The following SAMD12 variants were observed in gnomAD, a reference collection of about 807,000 sequenced individuals.
The protein encoded by SAMD12 is sterile alpha motif domain-containing protein 12.
In SAMD12, 9 loss-of-function variants were observed where a neutral mutation model predicts 15.0. The ratio of observed to expected loss-of-function variants is 0.60; its 90% CI spans 0.36 to 1.05. The LOEUF (loss-of-function observed/expected upper bound fraction) is 1.05. Ranked by LOEUF, SAMD12 falls within the 50% of genes least tolerant of loss-of-function variation. SAMD12 has a pLI of 0.01. For missense variants in SAMD12, 230 were observed against 234.2 expected (o/e 0.98, Z 0.12); for synonymous variants, 86 against 90.1 (o/e 0.96, Z 0.25).
chr8:118,286,578 G>T (rs1055009780), intron 4 of SAMD12, among the ~76,000 whole-genome samples: 1 of 152,144 alleles, frequency 6.6e-6, no homozygotes, highest in Admixed American at 6.5e-5. Context: ...CCCCTGTGGC[G>T]ATGTGTCATA....
intron 2 of SAMD12, among the ~76,000 whole-genome samples, chr8:118,449,878 C>T (rs984990057): frequency 2.7e-5 from 4 of 150,554 alleles, no homozygotes; most frequent in African/African-American, 9.8e-5. Flanking sequence ...ATAAAAATAC[C>T]AAATTAAGAG....
At chr8:118,608,427 T>C (rs1038073445) in intron 1 of SAMD12, among the ~76,000 whole-genome samples, 1 of 152,104 alleles carries the variant, frequency 6.6e-6, no homozygotes, top group Non-Finnish European at 1.5e-5. Flanking sequence ...CATCCTTTTC[T>C]TACAAGACAG....
intron 4 of SAMD12, among the ~76,000 whole-genome samples, chr8:118,260,168 A>G (rs1160594594): frequency 6.6e-6 from 1 of 152,076 alleles, no homozygotes; most frequent in African/African-American, 2.4e-5. Context: ...CAAAATCCCA[A>G]ACCCATATAC....
chr8:118,503,487 C>T (rs1397920973), intron 2 of SAMD12, among the ~76,000 whole-genome samples: 2 of 152,134 alleles, frequency 1.3e-5, no homozygotes, highest in Non-Finnish European at 2.9e-5. Flanking sequence ...AGGTTCATCC[C>T]GCCAAGCCCT....
chr8:118,516,640 T>TTA (rs1264413418), intron 2 of SAMD12, among the ~76,000 whole-genome samples: 2 of 148,592 alleles, frequency 1.3e-5, no homozygotes, highest in African/African-American at 4.9e-5. Context: ...CTTTCTTTCT[T>TTA]TTTTTTTTTT....
intron 2 of SAMD12, among the ~76,000 whole-genome samples, chr8:118,533,198 C>T (rs150208701): frequency 0.34 from 51,594 of 151,988 alleles, 9,594 homozygotes; most frequent in Admixed American, 0.43. Context: ...CGTTAATGTA[C>T]CCAGTAGTCA....
At chr8:118,230,357 TG>T (rs1812280640) in intron 4 of SAMD12, among the ~76,000 whole-genome samples, 1 of 152,182 alleles carries the variant, frequency 6.6e-6, no homozygotes, top group African/African-American at 2.4e-5. Context: ...ACAGAAATAT[TG>T]GACTCATGGT....
At chr8:118,287,358 C>G (rs1295142735) in intron 4 of SAMD12, among the ~76,000 whole-genome samples, 2 of 150,134 alleles carry the variant, frequency 1.3e-5, no homozygotes, top group Non-Finnish European at 2.9e-5. Context: ...ATCTCCTGAC[C>G]TCGTGATCCG....
chr8:118,162,484 G>T, the SAMD12 span, among the ~76,000 whole-genome samples: 3 of 151,910 alleles, frequency 2.0e-5, no homozygotes, highest in African/African-American at 7.3e-5. Context: ...TAAATGAGAA[G>T]AGGGAGAAGA....
rs142504765 is a variant in SAMD12 at position 118,283,810 on chromosome 8, G to A, written c.434-86078C>T. ...AGAGGAGATTGAGCAGATGAATATGGGATTAAACAGGGGAACTTGGGCTTG... is the reference window on the plus strand; with the variant it reads ...AGAGGAGATTGAGCAGATGAATATGAGATTAAACAGGGGAACTTGGGCTTG... On this transcript the variant is annotated intron_variant, in intron 4 of 4. Coordinates refer to the SAMD12 transcript ENST00000409003. Among the ~76,000 whole-genome samples, 104 of 152,246 alleles carry A rather than the reference G, an allele frequency of 6.8e-4. 1 individual carries two copies. The highest frequency in any genetic ancestry group is 2.4e-3 in the African/African-American group (99 of 41,552).
At chr8:118,455,362 T>C (rs1032147803) in intron 2 of SAMD12, among the ~76,000 whole-genome samples, 3 of 152,140 alleles carry the variant, frequency 2.0e-5, no homozygotes, top group Admixed American at 6.5e-5. Flanking sequence ...TGAATATCTA[T>C]ATTTAAAAAA....
intron 4 of SAMD12, among the ~76,000 whole-genome samples, chr8:118,236,596 G>A (rs1426304913): frequency 1.3e-5 from 2 of 152,190 alleles, no homozygotes; most frequent in African/African-American, 4.8e-5. Context: ...CGCCTGGGCT[G>A]GCTGGAATTG....
the SAMD12 span, among the ~76,000 whole-genome samples, chr8:118,138,931 T>A: frequency 5.3e-5 from 8 of 152,092 alleles, no homozygotes; most frequent in East Asian, 1.2e-3. Flanking sequence ...CTAAGGAGAG[T>A]GGCCCTCTTC....
the SAMD12 span, among the ~76,000 whole-genome samples, chr8:118,152,337 C>G: frequency 7.9e-5 from 12 of 152,194 alleles, no homozygotes; most frequent in Non-Finnish European, 1.8e-4. Context: ...ATTGGAATAA[C>G]AAACTGAGAT....
chr8:118,362,452 T>C (rs545728218), intron 4 of SAMD12, among the ~76,000 whole-genome samples: 26 of 152,296 alleles, frequency 1.7e-4, no homozygotes, highest in Non-Finnish European at 3.4e-4. Context: ...TTCTGATACA[T>C]AGACATAAGG....
At chr8:118,559,546 T>A (rs1466569104) in intron 2 of SAMD12, among the ~76,000 whole-genome samples, 1 of 152,224 alleles carries the variant, frequency 6.6e-6, no homozygotes, top group Non-Finnish European at 1.5e-5. Context: ...TTATCTAGCA[T>A]TTCTTGAACT....
intron 2 of SAMD12, among the ~76,000 whole-genome samples, chr8:118,440,697 A>AAACACACACACACACACAC (rs1822726448): frequency 1.9e-5 from 1 of 52,368 alleles, no homozygotes; most frequent in Non-Finnish European, 4.5e-5. Context: ...CACACACACA[A>AAACACACACACACACACAC]ACACACACAC....
At chr8:118,550,000 C>T (rs1313214351) in intron 2 of SAMD12, among the ~76,000 whole-genome samples, 3 of 152,116 alleles carry the variant, frequency 2.0e-5, no homozygotes, top group Admixed American at 6.5e-5. Context: ...AAGAAATGAA[C>T]AAAACCTCCA....
chr8:118,321,144 A>AATAAATATATATATATATATATAT (rs57107358), intron 4 of SAMD12, among the ~76,000 whole-genome samples: 3 of 94,486 alleles, frequency 3.2e-5, no homozygotes, highest in African/African-American at 1.2e-4. Flanking sequence ...ATAGATAATA[A>AATAAATATATATATATATATATAT]ATATATATAT....
Sources: allele counts gnomAD v4.1 joint callset (sites outside exome capture counted in the v4.1 genomes callset), GRCh38; gene constraint gnomAD v4.1.1; transcripts MANE v1.5; gene names NCBI Gene and HGNC (gene_info 2026-07-23, HGNC 2026-07-21).